Variants in MEI4 observed in about 807,000 individuals in gnomAD.
MEI4 encodes meiotic double-stranded break formation protein 4.
MEI4 carries 27 observed loss-of-function variants against 31.4 expected under a neutral mutation model. The observed-to-expected ratio is 0.86, with a 90% CI of 0.63 to 1.19. The LOEUF (loss-of-function observed/expected upper bound fraction) is 1.19. Ranked by LOEUF, MEI4 falls within the 50% of genes most tolerant of loss-of-function variation. The pLI is 0.00. For missense variants in MEI4, 329 were observed against 398.9 expected (o/e 0.82, Z 1.49); for synonymous variants, 122 against 145.4 (o/e 0.84, Z 1.16).
At chr6:77,895,937 ATTGTT>A (rs1252379459) in intron 4 of MEI4, among the ~76,000 whole-genome samples, 1 of 152,158 alleles carries the variant, frequency 6.6e-6, no homozygotes, top group Non-Finnish European at 1.5e-5. Flanking sequence ...TCTGATCAGT[ATTGTT>A]TTGTTAAGAA....
intron 4 of MEI4, among the ~76,000 whole-genome samples, chr6:77,870,819 C>A (rs963216681): frequency 6.6e-6 from 1 of 152,068 alleles, no homozygotes; most frequent in Admixed American, 6.6e-5. Context: ...TAATGACTAC[C>A]TGCCCATCAT....
intron 3 of MEI4, among the ~76,000 whole-genome samples, chr6:77,811,921 A>G (rs1769582687): frequency 6.6e-6 from 1 of 152,216 alleles, no homozygotes; most frequent in Admixed American, 6.6e-5. Context: ...GATATTCACA[A>G]TAACTATATT....
intron 3 of MEI4, among the ~76,000 whole-genome samples, chr6:77,799,190 T>A (rs1769172958): frequency 6.6e-6 from 1 of 152,044 alleles, no homozygotes; most frequent in Non-Finnish European, 1.5e-5. Context: ...CCATTCTAAC[T>A]GGTGTGAGAT....
At chr6:77,736,391 G>A (rs1460350290) in intron 2 of MEI4, among the ~76,000 whole-genome samples, 1 of 152,072 alleles carries the variant, frequency 6.6e-6, no homozygotes, top group African/African-American at 2.4e-5. Context: ...GGAGTGACCC[G>A]ATTTTCCAGG....
At chr6:77,680,749 A>AT (rs139351159) in intron 1 of MEI4, among the ~76,000 whole-genome samples, 3,508 of 152,296 alleles carry the variant, frequency 0.023, 138 homozygotes, top group African/African-American at 0.079. Context: ...TAAAGGAAGT[A>AT]TTAGATTTAC....
intron 3 of MEI4, among the ~76,000 whole-genome samples, chr6:77,810,507 C>T (rs148685587): frequency 0.01 from 1,596 of 152,132 alleles, 28 homozygotes; most frequent in African/African-American, 0.037. Context: ...GGCATCTGCC[C>T]GGTGCCAGAA....
At chr6:77,744,774 G>C (rs959821716) in intron 2 of MEI4, among the ~76,000 whole-genome samples, 1 of 152,196 alleles carries the variant, frequency 6.6e-6, no homozygotes, top group Non-Finnish European at 1.5e-5. Context: ...CGATCTCTCG[G>C]CAGAAACCCT....
At chr6:77,755,942 A>G (rs1463535784) in intron 2 of MEI4, among the ~76,000 whole-genome samples, 2 of 152,086 alleles carry the variant, frequency 1.3e-5, no homozygotes. Context: ...ACAATAATAA[A>G]TGAAGGCAGA....
intron 4 of MEI4, among the ~76,000 whole-genome samples, chr6:77,867,211 A>G (rs952470290): frequency 2.6e-5 from 4 of 152,246 alleles, no homozygotes; most frequent in Admixed American, 2.6e-4. Flanking sequence ...AACAAAAGCC[A>G]AAATTGACAA....
chr6:77,745,667 A>AT (rs1342970686), intron 2 of MEI4, among the ~76,000 whole-genome samples: 7 of 152,096 alleles, frequency 4.6e-5, no homozygotes, highest in African/African-American at 1.7e-4. Context: ...CAGAATATAC[A>AT]TTTTTTTCAG....
At chr6:77,765,838 C>T (rs1246724712) in intron 3 of MEI4, among the ~76,000 whole-genome samples, 2 of 152,112 alleles carry the variant, frequency 1.3e-5, no homozygotes, top group African/African-American at 4.8e-5. Context: ...ACATATATAC[C>T]ATTGAATATT....
intron 4 of MEI4, among the ~76,000 whole-genome samples, chr6:77,852,834 T>C (rs1770660722): frequency 6.6e-6 from 1 of 152,084 alleles, no homozygotes; most frequent in Non-Finnish European, 1.5e-5. Flanking sequence ...TTTCAACATA[T>C]GAATTTTAGG....
At chr6:77,883,944 C>G (rs768150206) in intron 4 of MEI4, among the ~76,000 whole-genome samples, 12 of 151,352 alleles carry the variant, frequency 7.9e-5, no homozygotes, top group African/African-American at 9.7e-5. Flanking sequence ...TTAAAAACCT[C>G]CATACTGTTT....
In MEI4 at chr6:77,925,153, C is replaced by T. The variant is rs553890425; in HGVS notation, c.*1807C>T. ...CCCTTTCCCTATTGCAGCCAGCCAA[C>T]GTAATGATCAGCTAAGAGACTTTTG... On this transcript the variant is annotated 3_prime_UTR_variant, in exon 5 of 5. Coordinates refer to ENST00000684080, the MANE Select transcript of MEI4 (RefSeq NM_001322247.2). 5.9e-5 allele frequency: 9 copies of T among 151,870 alleles called. No homozygotes were observed. Among genetic ancestry groups the T allele is most frequent in the South Asian group, 4.2e-4 (2 of 4,812 alleles). The allele number at this position is 151,870 out of a possible 1,614,324, so 9.4% of individuals were successfully genotyped here. A position where few individuals can be genotyped will look rare whatever the true frequency, so the allele number is the denominator to read the frequency against.
At chr6:77,904,104 TA>T (rs2127736100) in intron 4 of MEI4, among the ~76,000 whole-genome samples, 2 of 152,230 alleles carry the variant, frequency 1.3e-5, no homozygotes, top group South Asian at 4.1e-4. Context: ...GTTTTCTGGT[TA>T]TTTTGTACAT....
intron 3 of MEI4, among the ~76,000 whole-genome samples, chr6:77,771,176 A>C (rs1434318849): frequency 6.6e-6 from 1 of 152,340 alleles, no homozygotes; most frequent in South Asian, 2.1e-4. Flanking sequence ...GCTAACAAGC[A>C]TATGAAAAAA....
intron 2 of MEI4, among the ~76,000 whole-genome samples, chr6:77,741,020 A>G (rs1002517247): frequency 6.6e-6 from 1 of 152,142 alleles, no homozygotes; most frequent in East Asian, 1.9e-4. Context: ...GACAGGGGAG[A>G]TACTTTTTTT....
intron 4 of MEI4, among the ~76,000 whole-genome samples, chr6:77,917,487 A>C (rs914802901): frequency 1.3e-5 from 2 of 149,420 alleles, no homozygotes; most frequent in Non-Finnish European, 3.0e-5. Context: ...ATGGTATCTC[A>C]TTGTGGTTTT....
intron 4 of MEI4, among the ~76,000 whole-genome samples, chr6:77,885,108 G>T (rs921207394): frequency 6.6e-6 from 1 of 151,040 alleles, no homozygotes; most frequent in African/African-American, 2.4e-5. Flanking sequence ...TTTTTGTGTG[G>T]GTATTTAAAT....
Sources: allele counts gnomAD v4.1 joint callset (sites outside exome capture counted in the v4.1 genomes callset), GRCh38; gene constraint gnomAD v4.1.1; transcripts MANE v1.5; gene names NCBI Gene and HGNC (gene_info 2026-07-23, HGNC 2026-07-21).